The following ESR1 variants were observed in gnomAD, a reference collection of about 807,000 sequenced individuals.
ESR1 encodes the protein estrogen receptor.
ESR1 carries 12 observed loss-of-function variants against 52.7 expected under a neutral mutation model. The ratio of observed to expected loss-of-function variants is 0.23; its 90% CI spans 0.15 to 0.37. ESR1 has a LOEUF of 0.37. Ranked by LOEUF, ESR1 falls within the 10% of genes least tolerant of loss-of-function variation. The probability of loss-of-function intolerance (pLI) is 1.00; values close to 1 mark genes in which losing one functional copy is unlikely to be tolerated. For synonymous variants in ESR1, 305 were observed against 316.8 expected, an observed-to-expected ratio of 0.96 and a Z score of 0.39; for missense variants, 584 against 779.7, an observed-to-expected ratio of 0.75 and a Z score of 2.99.
At position 151,698,881 on chromosome 6, in the gene ESR1, G is replaced by A. The variant is rs935648879; in HGVS notation, c.-201-2994G>A. 2.0e-5 allele frequency among the ~76,000 whole-genome samples: 3 copies of A among 152,112 alleles called. No homozygotes were observed. The South Asian group carries it at 6.2e-4, about 32-fold the overall frequency. On this transcript the variant is annotated intron_variant, in intron 1 of 2. Coordinates refer to the ESR1 transcript ENST00000404742. The stretch of plus-strand genomic sequence containing the variant: ...AACAGGAAGAACACTGCTCTTGTCC[G>A]TTTGACGGTCCTATTCCTCCGGATC...
At chr6:151,960,166 T>C (rs180848823) in intron 4 of ESR1, among the ~76,000 whole-genome samples, 2 of 152,222 alleles carry the variant, frequency 1.3e-5, no homozygotes, top group African/African-American at 2.4e-5. Context: ...TCCAGGTTCA[T>C]TGATTGCTTT....
Position 152,063,847 on chromosome 6 carries a change from G to A in ESR1, c.1369+2723G>A, listed in dbSNP as rs369483818. Among the ~76,000 whole-genome samples, 3 of 152,128 alleles carry A rather than the reference G, an allele frequency of 2.0e-5. No individual in the cohort carries two copies. In the South Asian group the frequency reaches 6.2e-4, roughly 32 times the overall value. ...TGTATGGAGGAACCCAAGGTTTTGTGTTGAGCCCCAGTCGCCAAGGTCTGA... is the reference window on the plus strand; with the variant it reads ...TGTATGGAGGAACCCAAGGTTTTGTATTGAGCCCCAGTCGCCAAGGTCTGA... On this transcript the variant is annotated intron_variant, in intron 6 of 7. Coordinates refer to ENST00000206249, the MANE Select transcript of ESR1 (RefSeq NM_000125.4).
At chr6:151,691,653 G>T (rs971248077) in intron 1 of ESR1, among the ~76,000 whole-genome samples, 2 of 152,114 alleles carry the variant, frequency 1.3e-5, no homozygotes, top group Non-Finnish European at 2.9e-5. Context: ...ATATGAGGTT[G>T]CTGGGAAACT....
intron 2 of ESR1, among the ~76,000 whole-genome samples, chr6:151,750,300 T>G (rs1056903521): frequency 6.6e-6 from 1 of 152,212 alleles, no homozygotes; most frequent in Non-Finnish European, 1.5e-5. Flanking sequence ...GTTATTTGTG[T>G]TACTGTCCCT....
rs538201537 is a variant in ESR1, at chr6:151,781,892, A to G, written c.-70-25951A>G. On this transcript the variant is annotated intron_variant, in intron 2 of 2. Coordinates refer to the ESR1 transcript ENST00000404742. ...CAGAGCTATTTAGAGTGTCTGGTAT[A>G]AATGATTTTATTGTTACTCTGCTTT... is the stretch of plus-strand genomic sequence containing the variant. 2.6e-5 allele frequency among the ~76,000 whole-genome samples: 4 copies of G among 152,370 alleles called. No individual in the cohort carries two copies. In the East Asian group the frequency reaches 7.7e-4, roughly 29 times the overall value.
At chr6:152,059,761 A>G (rs965941589) in intron 5 of ESR1, among the ~76,000 whole-genome samples, 2 of 152,202 alleles carry the variant, frequency 1.3e-5, no homozygotes, top group African/African-American at 4.8e-5. Context: ...ACATAAACAT[A>G]AGGATAGTCA....
intron 4 of ESR1, among the ~76,000 whole-genome samples, chr6:151,964,969 CA>C (rs1417787113): frequency 6.6e-6 from 1 of 152,144 alleles, no homozygotes; most frequent in East Asian, 1.9e-4. Flanking sequence ...GCGATATATA[CA>C]GGCTTGTTGA....
chr6:151,768,886 C>T (rs1351805621), intron 2 of ESR1, among the ~76,000 whole-genome samples: 1 of 152,130 alleles, frequency 6.6e-6, no homozygotes, highest in Non-Finnish European at 1.5e-5. Context: ...TTGTGTTTTC[C>T]TGCTGGTCAA....
intron 2 of ESR1, among the ~76,000 whole-genome samples, chr6:151,850,064 A>ATTT (rs1786195739): frequency 8.9e-6 from 1 of 112,980 alleles, no homozygotes. Context: ...ATATAATTTT[A>ATTT]TATATATATA....
chr6:151,743,525 T>C (rs777690877), intron 2 of ESR1, among the ~76,000 whole-genome samples: 4 of 152,220 alleles, frequency 2.6e-5, no homozygotes, highest in Non-Finnish European at 4.4e-5. Context: ...AACTTGGCCC[T>C]CTGACTCAGT....
chr6:151,908,011 G>A (rs1470365555), intron 3 of ESR1, among the ~76,000 whole-genome samples: 1 of 152,282 alleles, frequency 6.6e-6, no homozygotes, highest in East Asian at 1.9e-4. Context: ...ATGAATATGT[G>A]ATTCTGGAAG....
chr6:152,053,566 A>C lies in ESR1; in HGVS notation c.1236-7425A>C, dbSNP rs1562729089. Among the ~76,000 whole-genome samples, 4 of 137,450 alleles carry C rather than the reference A, an allele frequency of 2.9e-5. No homozygotes were observed. The highest frequency in any genetic ancestry group is 2.7e-5 in the African/African-American group (1 of 36,644). 90.2% of individuals were successfully genotyped at this position (137,450 alleles called of 152,430 possible). On this transcript the variant is annotated intron_variant, in intron 5 of 7. Coordinates refer to ENST00000206249, the MANE Select transcript of ESR1 (RefSeq NM_000125.4). The surrounding 1 kb of genome is among the most constrained non-coding windows in gnomAD (Gnocchi z 4.1). The stretch of plus-strand genomic sequence containing the variant: ...TCTCTCTTATCCTCTCTTTCTCTCA[A>C]TCCCTCTCTCCCTCTTTCTCTCTCT...
At chr6:152,029,964 A>G (rs1383720067) in intron 5 of ESR1, among the ~76,000 whole-genome samples, 4 of 152,248 alleles carry the variant, frequency 2.6e-5, no homozygotes, top group African/African-American at 9.6e-5. Context: ...TCTACAAGCC[A>G]GAAGAGAGTG....
chr6:151,674,146 G>A (rs926128866), intron 1 of ESR1, among the ~76,000 whole-genome samples: 1 of 152,044 alleles, frequency 6.6e-6, no homozygotes, highest in Admixed American at 6.6e-5. Context: ...AGCCTTGCAT[G>A]CATTAGGTAT....
intron 1 of ESR1, among the ~76,000 whole-genome samples, chr6:151,837,867 A>C (rs1174031196): frequency 1.3e-5 from 2 of 152,194 alleles, no homozygotes; most frequent in East Asian, 3.8e-4. Context: ...GAAGTAGGTA[A>C]ACCTTCACTT....
intron 5 of ESR1, among the ~76,000 whole-genome samples, chr6:152,058,719 G>A (rs1158409216): frequency 7.9e-5 from 12 of 152,066 alleles, no homozygotes; most frequent in Admixed American, 5.2e-4. Flanking sequence ...TACTGACAGT[G>A]CCCATGGCTT....
chr6:151,865,065 T>C (rs1460524842), intron 2 of ESR1, among the ~76,000 whole-genome samples: 1 of 152,034 alleles, frequency 6.6e-6, no homozygotes, highest in African/African-American at 2.4e-5. Flanking sequence ...TGTGCACATG[T>C]ACCCTAGAAC....
At chr6:152,103,721 G>A (rs1006047031), downstream of ESR1, among the ~76,000 whole-genome samples, 1 of 152,192 alleles carries the variant, frequency 6.6e-6, no homozygotes, top group African/African-American at 2.4e-5. Context: ...ATGGAAGAAT[G>A]AGTGATCTGA....
At chr6:152,089,308 C>T (rs935060581) in intron 6 of ESR1, among the ~76,000 whole-genome samples, 38 of 152,124 alleles carry the variant, frequency 2.5e-4, no homozygotes, top group African/African-American at 8.7e-4. Flanking sequence ...TAATTGTTGG[C>T]TCTAATTTTA....
Sources: allele counts gnomAD v4.1 joint callset (sites outside exome capture counted in the v4.1 genomes callset), GRCh38; gene constraint gnomAD v4.1.1; non-coding constraint Gnocchi (gnomAD v3.1); transcripts MANE v1.5; gene names NCBI Gene and HGNC (gene_info 2026-07-23, HGNC 2026-07-21).